TSC22D2: variants seen among roughly 807,000 people sequenced by gnomAD.
The protein encoded by TSC22D2 is TSC22 domain family protein 2.
In TSC22D2, 5 loss-of-function variants were observed where a neutral mutation model predicts 50.1. The observed-to-expected ratio is 0.10, with a 90% CI of 0.05 to 0.21. TSC22D2 has a LOEUF of 0.21. Ranked by LOEUF, TSC22D2 falls within the 10% of genes least tolerant of loss-of-function variation. The pLI, the probability that TSC22D2 is intolerant of heterozygous loss-of-function variation, is 1.00. For missense variants in TSC22D2, 1,003 were observed against 1,015.5 expected, an observed-to-expected ratio of 0.99 and a Z score of 0.17; for synonymous variants, 501 against 450.1, an observed-to-expected ratio of 1.11 and a Z score of -1.43.
intron 1 of TSC22D2, among the ~76,000 whole-genome samples, chr3:150,416,606 T>C (rs1434109728): frequency 6.6e-6 from 1 of 152,114 alleles, no homozygotes; most frequent in Non-Finnish European, 1.5e-5. Flanking sequence ...CTTGAACATA[T>C]CAAATTACTC....
chr3:150,409,816 A>G lies in TSC22D2; in HGVS notation c.466A>G (p.Thr156Ala). The G allele has an allele frequency of 6.2e-7, 1 of 1,604,710 alleles. No individual in the cohort carries two copies. Among genetic ancestry groups the G allele is most frequent in the Admixed American group, 1.7e-5 (1 of 60,024 alleles). ...PVTAAPSQPP[T>A]TCSSRFRVIK... ...GACTGCAGCCCCATCTCAGCCTCCCACCACATGTAGTTCCCGTTTTCGCGT... is the reference window on the plus strand; with the variant it reads ...GACTGCAGCCCCATCTCAGCCTCCCGCCACATGTAGTTCCCGTTTTCGCGT... Residue 156 changes from threonine (T) to alanine (A), a missense_variant, in exon 1 of 3, where the codon ACC becomes GCC. Transcript: ENST00000688009. The surrounding 1 kb of genome is among the most constrained non-coding windows in gnomAD (Gnocchi z 7.4).
intron 1 of TSC22D2, chr3:150,423,226 G>A: frequency 1.3e-6 from 1 of 749,760 alleles, no homozygotes; most frequent in South Asian, 2.2e-5. Flanking sequence ...TTTTAGGGGG[G>A]AAATCACATG....
intron 1 of TSC22D2, among the ~76,000 whole-genome samples, chr3:150,411,708 C>G (rs1719578984): frequency 6.6e-6 from 1 of 151,834 alleles, no homozygotes; most frequent in Non-Finnish European, 1.5e-5. Flanking sequence ...CATAATAATA[C>G]TACAAGTTTT....
intron 1 of TSC22D2, among the ~76,000 whole-genome samples, chr3:150,425,495 G>A (rs1720149870): frequency 6.6e-6 from 1 of 152,196 alleles, no homozygotes; most frequent in South Asian, 2.1e-4. Flanking sequence ...CAACCTGGGT[G>A]ACAAGAGCGA....
chr3:150,435,907 ATAATAT>A (rs1277024776), intron 1 of TSC22D2, among the ~76,000 whole-genome samples: 8 of 127,528 alleles, frequency 6.3e-5, no homozygotes, highest in African/African-American at 2.1e-4. Flanking sequence ...ATTATGATTG[ATAATAT>A]TAGTACAGTT....
Position 150,446,611 on chromosome 3 carries a change from T to C in TSC22D2, c.1959-10465T>C, listed in dbSNP as rs542718430. On this transcript the variant is annotated intron_variant, in intron 1 of 2. Transcript: ENST00000688009. ...TTTATTAAAAATAAAGACTAGGCTT[T>C]CCCCCCACCCCCAATATGATATATT... Among the ~76,000 whole-genome samples, 364 of 152,272 alleles carry C rather than the reference T, an allele frequency of 2.4e-3. 1 individual carries two copies. Among genetic ancestry groups the C allele is most frequent in the African/African-American group, 8.4e-3 (350 of 41,560 alleles).
In TSC22D2 at chr3:150,463,843, AGTT is replaced by A. The variant is rs1277571398; in HGVS notation, c.*5212_*5214del. 6.6e-5 allele frequency: 10 copies of A among 152,168 alleles called. No individual in the cohort carries two copies. Among genetic ancestry groups the A allele is most frequent in the African/African-American group, 2.4e-4 (10 of 41,440 alleles). The allele number at this position is 152,168 out of a possible 1,614,324, so 9.4% of individuals were successfully genotyped here. Reference sequence around the variant, plus strand: ...TATTTTGCACTGGCGCAGTCCATTTAGTTGTTGAATTTGTTCAGCATACCTGGA... The same window carrying A: ...TATTTTGCACTGGCGCAGTCCATTTAGTTGAATTTGTTCAGCATACCTGGA... On this transcript the variant is annotated 3_prime_UTR_variant, in exon 3 of 3. Coordinates refer to ENST00000688009, the MANE Select transcript of TSC22D2 (RefSeq NM_001303264.2).
intron 1 of TSC22D2, among the ~76,000 whole-genome samples, chr3:150,417,730 C>G (rs1719865416): frequency 6.6e-6 from 1 of 152,076 alleles, no homozygotes; most frequent in African/African-American, 2.4e-5. Context: ...ATTTCAGTGT[C>G]CAAACTGCTC....
At chr3:150,421,682 CT>C (rs542310622) in intron 1 of TSC22D2, among the ~76,000 whole-genome samples, 21 of 148,280 alleles carry the variant, frequency 1.4e-4, no homozygotes, top group South Asian at 4.3e-4. Flanking sequence ...TCTTGGAAGT[CT>C]TTTTTTTTTA....
rs1217854427 is a variant in TSC22D2, at chr3:150,459,371, T to C, written c.*735T>C. ...CAGGTAGTCACCAGTTATTGTGATA[T>C]GATAAATAATTGGGCTATTTTGATG... On this transcript the variant is annotated 3_prime_UTR_variant, in exon 3 of 3. Coordinates refer to ENST00000688009, the MANE Select transcript of TSC22D2 (RefSeq NM_001303264.2). The C allele has an allele frequency of 1.3e-5, 2 of 152,592 alleles. No individual in the cohort carries two copies. Among genetic ancestry groups the C allele is most frequent in the Admixed American group, 6.5e-5 (1 of 15,274 alleles). 9.5% of individuals were successfully genotyped at this position (152,592 alleles called of 1,614,324 possible).
chr3:150,457,177 G>T, intron 2 of TSC22D2, 50 bp downstream of exon 2: 1 of 1,518,324 alleles, frequency 6.6e-7, no homozygotes, highest in South Asian at 1.2e-5. Flanking sequence ...TGGTTGTATG[G>T]AACACTTAGC....
chr3:150,453,590 A>G (rs970525843), intron 1 of TSC22D2, among the ~76,000 whole-genome samples: 16 of 152,154 alleles, frequency 1.1e-4, no homozygotes, highest in African/African-American at 3.9e-4. Context: ...GGGTCCAAAT[A>G]TTTACATTTC....
intron 1 of TSC22D2, among the ~76,000 whole-genome samples, chr3:150,440,575 A>C (rs1720682892): frequency 6.6e-6 from 1 of 152,100 alleles, no homozygotes; most frequent in Non-Finnish European, 1.5e-5. Flanking sequence ...AGCAGCTTTG[A>C]ACTGCAGATA....
At chr3:150,454,702 T>C (rs1721135906) in intron 1 of TSC22D2, among the ~76,000 whole-genome samples, 1 of 152,198 alleles carries the variant, frequency 6.6e-6, no homozygotes, top group South Asian at 2.1e-4. Context: ...TTCAAGATAG[T>C]TAAAGGTCAC....
At chr3:150,421,122 T>G (rs78249697) in intron 1 of TSC22D2, among the ~76,000 whole-genome samples, 5,946 of 152,268 alleles carry the variant, frequency 0.039, 143 homozygotes, top group Middle Eastern at 0.075. Context: ...TTAAAGAATA[T>G]CATCCTTATA....
chr3:150,460,434 G>GT lies in TSC22D2; in HGVS notation c.*1800dup, dbSNP rs1721361210. ...TGAGAACCAGTAGTTAGTTCTCCGT[G>GT]TTAAAAGACTTATTTGAAGTAAAAA... On this transcript the variant is annotated 3_prime_UTR_variant, in exon 3 of 3. Coordinates refer to ENST00000688009, the MANE Select transcript of TSC22D2 (RefSeq NM_001303264.2). 1 of 152,166 alleles carries GT rather than the reference G, an allele frequency of 6.6e-6. No individual in the cohort carries two copies. The highest frequency in any genetic ancestry group is 1.5e-5 in the Non-Finnish European group (1 of 68,026). The allele number at this position is 152,166 out of a possible 1,614,324, so 9.4% of individuals were successfully genotyped here.
intron 1 of TSC22D2, among the ~76,000 whole-genome samples, chr3:150,412,720 GACT>G (rs752714674): frequency 1.1e-4 from 16 of 152,174 alleles, no homozygotes; most frequent in East Asian, 9.6e-4. Flanking sequence ...GTGTGTGTGG[GACT>G]ACTAAGTAAA....
chr3:150,408,536 C>T lies in TSC22D2; in HGVS notation c.-815C>T, dbSNP rs1024634515. The T allele has an allele frequency of 7.9e-5, 12 of 152,660 alleles. No individual in the cohort carries two copies. Among genetic ancestry groups the T allele is most frequent in the African/African-American group, 2.9e-4 (12 of 41,592 alleles). The allele number at this position is 152,660 out of a possible 1,614,324, so 9.5% of individuals were successfully genotyped here. The stretch of plus-strand genomic sequence containing the variant: ...TGCCAGCGGTCTGCCGCCGCCGCCC[C>T]TCTCTGAGAGAAGCCGCGAGGGGAG... On this transcript the variant is annotated 5_prime_UTR_variant, in exon 1 of 3. Coordinates refer to ENST00000688009, the MANE Select transcript of TSC22D2 (RefSeq NM_001303264.2).
At chr3:150,421,092 AAATAAAT>A (rs1311470662) in intron 1 of TSC22D2, among the ~76,000 whole-genome samples, 1 of 152,246 alleles carries the variant, frequency 6.6e-6, no homozygotes, top group African/African-American at 2.4e-5. Context: ...TCCAAAAAAT[AAATAAAT>A]AATAAAGTTC....
Sources: allele counts gnomAD v4.1 joint callset (sites outside exome capture counted in the v4.1 genomes callset), GRCh38; gene constraint gnomAD v4.1.1; non-coding constraint Gnocchi (gnomAD v3.1); transcripts MANE v1.5; gene names NCBI Gene and HGNC (gene_info 2026-07-23, HGNC 2026-07-21).